NPY2R: variants seen among roughly 807,000 people sequenced by gnomAD.
NPY2R encodes neuropeptide Y receptor Y2.
In NPY2R, 17 loss-of-function variants were observed where a neutral mutation model predicts 22.3. The observed-to-expected ratio is 0.76, with a 90% CI of 0.52 to 1.14. The LOEUF is 1.14. Ranked by LOEUF, NPY2R falls within the 50% of genes most tolerant of loss-of-function variation. The pLI, the probability that NPY2R is intolerant of heterozygous loss-of-function variation, is 0.00. For synonymous variants in NPY2R, 209 were observed against 183.4 expected (o/e 1.14, Z -1.13); for missense variants, 424 against 467.9 (o/e 0.91, Z 0.87).
At chr4:155,180,305 T>A in the NPY2R span, among the ~76,000 whole-genome samples, 7 of 152,184 alleles carry the variant, frequency 4.6e-5, no homozygotes, top group African/African-American at 1.7e-4. Context: ...TTGTATTTTT[T>A]ATAAACTTTA....
chr4:155,206,772 AT>A (rs1175634537), upstream of NPY2R: 4 of 152,224 alleles, frequency 2.6e-5, 1 homozygote, highest in African/African-American at 9.6e-5. Context: ...TTCCAAAGCA[AT>A]TGCTCTAAAA....
chr4:155,204,913 G>T (rs557628108), upstream of NPY2R, among the ~76,000 whole-genome samples: 41 of 151,890 alleles, frequency 2.7e-4, no homozygotes, highest in African/African-American at 9.9e-4. Flanking sequence ...CCCTGCATAT[G>T]CCAAAATCCT....
rs1393348618 is a variant in NPY2R at position 155,214,714 on chromosome 4, T to G, written c.775T>G (p.Tyr259Asp). ...HVSPGAANDH[Y>D]HQRRQKTTKM... ...CAGTCCTGGAGCTGCAAATGACCAC[T>G]ACCATCAGCGAAGGCAAAAAACCAC... Residue 259 changes from tyrosine to aspartate, a missense_variant, in exon 2 of 2, where the codon TAC (tyrosine) becomes GAC (aspartate). Transcript: ENST00000329476. 6.2e-7 allele frequency: 1 copy of G among 1,614,244 alleles called. No individual in the cohort carries two copies. Among genetic ancestry groups the G allele is most frequent in the Non-Finnish European group, 8.5e-7 (1 of 1,180,030 alleles).
At chr4:155,213,754 G>A in intron 1 of NPY2R, 138 bp from the exon 2 acceptor site, 1 of 617,548 alleles carries the variant, frequency 1.6e-6, no homozygotes, top group East Asian at 2.7e-5. Context: ...CACAATTTTA[G>A]AGAGTAGAGG....
At chr4:155,204,889 A>C (rs938057919), upstream of NPY2R, among the ~76,000 whole-genome samples, 71 of 150,886 alleles carry the variant, frequency 4.7e-4, no homozygotes, top group African/African-American at 1.7e-3. Flanking sequence ...GAGAGCAGCT[A>C]TTGGTTTCAG....
chr4:155,213,774 T>C, intron 1 of NPY2R, 118 bp from the exon 2 acceptor site: 5 of 650,342 alleles, frequency 7.7e-6, no homozygotes, highest in Non-Finnish European at 1.4e-5. Context: ...GATATTTTGA[T>C]CCCTAACCAA....
chr4:155,205,882 C>T (rs1729275738), upstream of NPY2R, among the ~76,000 whole-genome samples: 1 of 151,358 alleles, frequency 6.6e-6, no homozygotes, highest in Admixed American at 6.6e-5. Context: ...TTGGCCTGTC[C>T]ACTAGGAGTT....
the NPY2R span, among the ~76,000 whole-genome samples, chr4:155,175,708 A>G: frequency 2.6e-5 from 4 of 152,178 alleles, no homozygotes; most frequent in East Asian, 1.9e-4. Flanking sequence ...CTTTGCTCAC[A>G]TGTCTGAGAA....
At chr4:155,190,524 G>A in the NPY2R span, among the ~76,000 whole-genome samples, 1 of 151,914 alleles carries the variant, frequency 6.6e-6, no homozygotes, top group African/African-American at 2.4e-5. Context: ...GACAGATAGA[G>A]TAAAATAAAA....
the NPY2R span, among the ~76,000 whole-genome samples, chr4:155,190,689 G>A: frequency 3.9e-5 from 6 of 152,014 alleles, no homozygotes; most frequent in South Asian, 6.2e-4. Context: ...ATTCAATGAC[G>A]TAAACCAGAA....
rs1233326472 is a variant in NPY2R at position 155,214,749 on chromosome 4, G to C, written c.810G>C (p.Leu270=). The C allele has an allele frequency of 1.9e-6, 3 of 1,614,204 alleles. No individual in the cohort carries two copies. Among genetic ancestry groups the C allele is most frequent in the Non-Finnish European group, 1.7e-6 (2 of 1,180,026 alleles). ...HQRRQKTTKM[L]VCVVVVFAVS... Reference sequence around the variant, plus strand: ...GAAGGCAAAAAACCACCAAAATGCTGGTGTGTGTGGTGGTGGTGTTTGCGG... The same window carrying C: ...GAAGGCAAAAAACCACCAAAATGCTCGTGTGTGTGGTGGTGGTGTTTGCGG... Residue 270 remains leucine (L), a synonymous_variant, in exon 2 of 2, where the codon CTG becomes CTC. Coordinates refer to ENST00000329476, the MANE Select transcript of NPY2R (RefSeq NM_000910.4).
At chr4:155,178,251 G>T in the NPY2R span, among the ~76,000 whole-genome samples, 5 of 152,318 alleles carry the variant, frequency 3.3e-5, no homozygotes, top group South Asian at 6.2e-4. Context: ...AGATGAAGCT[G>T]TGTTAGGTTA....
the NPY2R span, among the ~76,000 whole-genome samples, chr4:155,186,215 G>C: frequency 6.6e-6 from 1 of 152,122 alleles, no homozygotes; most frequent in African/African-American, 2.4e-5. Context: ...TAACACATTA[G>C]AAAACATGAT....
the NPY2R span, among the ~76,000 whole-genome samples, chr4:155,174,484 A>ATATATATATATAATT: frequency 9.4e-6 from 1 of 106,120 alleles, no homozygotes; most frequent in Non-Finnish European, 1.8e-5. Flanking sequence ...ATATATATAT[A>ATATATATATATAATT]TTTTTTTTTT....
the NPY2R span, among the ~76,000 whole-genome samples, chr4:155,183,221 A>T: frequency 6.6e-6 from 1 of 152,220 alleles, no homozygotes; most frequent in East Asian, 1.9e-4. Flanking sequence ...AAGTTGTATA[A>T]CAAGTTGTAT....
the NPY2R span, among the ~76,000 whole-genome samples, chr4:155,192,557 G>C: frequency 2.0e-5 from 3 of 151,816 alleles, no homozygotes; most frequent in African/African-American, 7.3e-5. Context: ...ATTTTCTATA[G>C]ACATTCCTTG....
upstream of NPY2R, among the ~76,000 whole-genome samples, chr4:155,204,827 C>T (rs1032384829): frequency 2.9e-5 from 4 of 138,184 alleles, no homozygotes; most frequent in South Asian, 2.2e-4. Context: ...CCACCACTTA[C>T]GCTCCCTATG....
Position 155,214,051 on chromosome 4 carries a change from C to G in NPY2R, c.112C>G (p.Pro38Ala). The G allele has an allele frequency of 6.2e-7, 1 of 1,613,720 alleles. No individual in the cohort carries two copies. The highest frequency in any genetic ancestry group is 8.5e-7 in the Non-Finnish European group (1 of 1,179,702). Residue 38 changes from proline to alanine, a missense_variant, in exon 2 of 2, where the codon CCA becomes GCA. By Grantham distance (27) the Pro-to-Ala change is conservative. Coordinates refer to ENST00000329476, the MANE Select transcript of NPY2R (RefSeq NM_000910.4). Reference protein sequence around the residue: ...PRGELVPDPEPELIDSTKLIE... With the variant: ...PRGELVPDPEAELIDSTKLIE... The stretch of plus-strand genomic sequence containing the variant: ...AGGTGAACTGGTCCCTGACCCTGAG[C>G]CAGAGCTTATAGATAGTACCAAGCT...
intron 1 of NPY2R, among the ~76,000 whole-genome samples, chr4:155,211,574 G>A (rs1005579142): frequency 2.0e-5 from 3 of 152,176 alleles, no homozygotes; most frequent in African/African-American, 7.2e-5. Flanking sequence ...ACCTGTGGGT[G>A]CAGATCCTTT....
Sources: allele counts gnomAD v4.1 joint callset (sites outside exome capture counted in the v4.1 genomes callset), GRCh38; gene constraint gnomAD v4.1.1; transcripts MANE v1.5; gene names NCBI Gene and HGNC (gene_info 2026-07-23, HGNC 2026-07-21).